The following UBE2O variants were observed in gnomAD, a reference collection of about 807,000 sequenced individuals.
UBE2O encodes the protein ubiquitin conjugating enzyme E2 O.
A neutral mutation model predicts 125.8 loss-of-function variants in UBE2O; 15 were observed. The ratio of observed to expected loss-of-function variants is 0.12; its 90% CI spans 0.08 to 0.18. The LOEUF (loss-of-function observed/expected upper bound fraction) is 0.18, where lower values mean the gene tolerates loss of function less well. Among genes scored for constraint, UBE2O ranks in the 10% least tolerant of loss-of-function variants. The probability of loss-of-function intolerance (pLI) is 1.00; values close to 1 mark genes in which losing one functional copy is unlikely to be tolerated. For synonymous variants in UBE2O, 708 were observed against 703.2 expected, an observed-to-expected ratio of 1.01 and a Z score of -0.11; for missense variants, 1,280 against 1,723.6, an observed-to-expected ratio of 0.74 and a Z score of 4.56.
rs1429304855 is a variant in UBE2O, at chr17:76,402,607, G to A, written c.681C>T (p.Gly227=). 1.4e-5 allele frequency: 23 copies of A among 1,613,788 alleles called. No individual in the cohort carries two copies. The highest frequency in any genetic ancestry group is 1.1e-4 in the East Asian group (5 of 44,896). The change falls in exon 4 of 18, where the codon GGC becomes GGT. Residue 227 remains glycine (G), a synonymous_variant. Transcript: ENST00000319380. This position sits in a 1 kb window ranked among gnomAD's most constrained non-coding sequence, Gnocchi z 5.4. The part of the protein sequence containing the change: ...KNQIILKLSN[G]ARCSMNTEDG... ...CTCTGGTGGTGAGACTCTACCTGGC[G>A]CCGTTGGATAGCTTCAGGATGATCT...
chr17:76,447,758 A>G (rs1299025981), intron 1 of UBE2O, among the ~76,000 whole-genome samples: 1 of 152,186 alleles, frequency 6.6e-6, no homozygotes, highest in Non-Finnish European at 1.5e-5. Flanking sequence ...TGCCCCTGAA[A>G]CAACCACCTT....
At chr17:76,403,193 G>A (rs1598590064) in intron 3 of UBE2O, among the ~76,000 whole-genome samples, 1 of 152,208 alleles carries the variant, frequency 6.6e-6, no homozygotes, top group Non-Finnish European at 1.5e-5. Context: ...GAGCAGGAAG[G>A]AGAAGAAGGA....
At chr17:76,397,982 C>G in intron 12 of UBE2O, 94 bp from the exon 13 acceptor site, 1 of 1,392,760 alleles carries the variant, frequency 7.2e-7, no homozygotes, top group Non-Finnish European at 1.0e-6. Context: ...TCATGCCCAC[C>G]TGGCTTGTGA....
intron 1 of UBE2O, among the ~76,000 whole-genome samples, chr17:76,415,605 G>C (rs1036984481): frequency 4.6e-4 from 70 of 152,338 alleles, no homozygotes; most frequent in African/African-American, 1.6e-3. Context: ...AGGAGTTGCA[G>C]ACCAGCCTGG....
rs1006932905 is a variant in UBE2O at position 76,452,102 on chromosome 17, C to G, written c.417+623G>C. ...TCGCAGCTGTCAGAATCCTCCCCCC[C>G]AAGTACTATTCATACCGGGGCTCTG... On this transcript the variant is annotated intron_variant, in intron 1 of 17. Transcript: ENST00000319380. This position sits in a 1 kb window ranked among gnomAD's most constrained non-coding sequence, Gnocchi z 4.4. 6.6e-6 allele frequency among the ~76,000 whole-genome samples: 1 copy of G among 152,054 alleles called. No homozygotes were observed.
In UBE2O at chr17:76,405,155, G is replaced by T; in HGVS notation, c.588+51C>A. Reference sequence around the variant, plus strand: ...GCTGTAGCCCAGAGGTCGTGCCGCCGAGAGAACCAGAGGGCCCAGAAAGGA... The same window carrying T: ...GCTGTAGCCCAGAGGTCGTGCCGCCTAGAGAACCAGAGGGCCCAGAAAGGA... On this transcript the variant is annotated intron_variant, in intron 3 of 17. Coordinates refer to ENST00000319380, the MANE Select transcript of UBE2O (RefSeq NM_022066.4). The surrounding 1 kb of genome is among the most constrained non-coding windows in gnomAD (Gnocchi z 6.1). 7.1e-7 allele frequency: 1 copy of T among 1,417,892 alleles called. No homozygotes were observed. The highest frequency in any genetic ancestry group is 9.8e-7 in the Non-Finnish European group (1 of 1,024,138). The allele number at this position is 1,417,892 out of a possible 1,614,324, so 87.8% of individuals were successfully genotyped here.
In UBE2O at chr17:76,434,794, T is replaced by TTA. The variant is rs768934042; in HGVS notation, c.417+17930_417+17931insTA. On this transcript the variant is annotated intron_variant, in intron 1 of 17. Coordinates refer to ENST00000319380, the MANE Select transcript of UBE2O (RefSeq NM_022066.4). ...TTAAGCTTTTTTTTTTTTTTTTTTT[T>TTA]AAAAAAACAAACAAAAAAACAACTT... 2.8e-4 allele frequency among the ~76,000 whole-genome samples: 38 copies of TTA among 133,716 alleles called. 1 individual carries two copies. The highest frequency in any genetic ancestry group is 7.5e-4 in the South Asian group (3 of 3,976). The allele number at this position is 133,716 out of a possible 152,430, so 87.7% of individuals were successfully genotyped here.
chr17:76,448,799 T>A (rs1039856211), intron 1 of UBE2O, among the ~76,000 whole-genome samples: 8 of 152,252 alleles, frequency 5.3e-5, no homozygotes, highest in Non-Finnish European at 1.0e-4. Flanking sequence ...CCAGTGCTCA[T>A]GAAGGTTTAA....
rs570554255 is a variant in UBE2O at position 76,405,081 on chromosome 17, C to T, written c.588+125G>A. On this transcript the variant is annotated intron_variant, in intron 3 of 17. Coordinates refer to ENST00000319380, the MANE Select transcript of UBE2O (RefSeq NM_022066.4). The surrounding 1 kb of genome is among the most constrained non-coding windows in gnomAD (Gnocchi z 6.1). ...CTACAGGAGCCAGCTGGCTGCTGTGCTCCGCCTTCTGACCCAGGAAGGCTG... is the reference window on the plus strand; with the variant it reads ...CTACAGGAGCCAGCTGGCTGCTGTGTTCCGCCTTCTGACCCAGGAAGGCTG... 1.3e-5 allele frequency: 9 copies of T among 677,038 alleles called. No individual in the cohort carries two copies. The African/African-American group carries it at 1.4e-4, about 11-fold the overall frequency. 41.9% of individuals were successfully genotyped at this position (677,038 alleles called of 1,614,324 possible).
intron 1 of UBE2O, among the ~76,000 whole-genome samples, chr17:76,442,313 T>G (rs1172298276): frequency 6.6e-6 from 1 of 152,138 alleles, no homozygotes; most frequent in Non-Finnish European, 1.5e-5. Context: ...CATAGTACTC[T>G]CAAAAGAACC....
Position 76,396,704 on chromosome 17 carries a change from T to C in UBE2O, c.2233A>G (p.Asn745Asp). ...EDDSDSWETD[N>D]GLVEDEHPKI... ...GGGTGCTCGTCCTCCACCAGCCCATTGTCCGTCTCCCAGCTGTCACTATCA... is the reference window on the plus strand; with the variant it reads ...GGGTGCTCGTCCTCCACCAGCCCATCGTCCGTCTCCCAGCTGTCACTATCA... Residue 745 changes from asparagine to aspartate, a missense_variant, in exon 14 of 18, where the codon AAT becomes GAT. Physicochemically the swap from Asn to Asp is conservative, Grantham distance 23. Transcript: ENST00000319380. This position sits in a 1 kb window ranked among gnomAD's most constrained non-coding sequence, Gnocchi z 6.7. 1.2e-6 allele frequency: 2 copies of C among 1,614,000 alleles called. No individual in the cohort carries two copies. Among genetic ancestry groups the C allele is most frequent in the Non-Finnish European group, 1.7e-6 (2 of 1,180,022 alleles).
In UBE2O at chr17:76,452,595, G is replaced by A. The variant is rs370773712; in HGVS notation, c.417+130C>T. The A allele has an allele frequency of 3.5e-6, 3 of 849,966 alleles. No homozygotes were observed. The highest frequency in any genetic ancestry group is 4.4e-5 in the Admixed American group (1 of 22,726). The allele number at this position is 849,966 out of a possible 1,614,324, so 52.7% of individuals were successfully genotyped here. Reference sequence around the variant, plus strand: ...TTTGCATGGAGTGTACCCTCCACTGGGGCTGTCCTCCCGCGTCGGCCACTG... The same window carrying A: ...TTTGCATGGAGTGTACCCTCCACTGAGGCTGTCCTCCCGCGTCGGCCACTG... On this transcript the variant is annotated intron_variant, in intron 1 of 17. Coordinates refer to ENST00000319380, the MANE Select transcript of UBE2O (RefSeq NM_022066.4). This position sits in a 1 kb window ranked among gnomAD's most constrained non-coding sequence, Gnocchi z 4.4.
chr17:76,399,125 G>C lies in UBE2O; in HGVS notation c.1629-134C>G, dbSNP rs1394646815. The stretch of plus-strand genomic sequence containing the variant: ...TCTGAATCCCAGGTTGGCAGGATGA[G>C]TCTCTGGTGCACAGGAAGCTCACCC... On this transcript the variant is annotated intron_variant, in intron 9 of 17. Transcript: ENST00000319380. This position sits in a 1 kb window ranked among gnomAD's most constrained non-coding sequence, Gnocchi z 6.9. The C allele has an allele frequency of 8.3e-7, 1 of 1,210,722 alleles. No individual in the cohort carries two copies. Among genetic ancestry groups the C allele is most frequent in the Non-Finnish European group, 1.1e-6 (1 of 882,576 alleles). The allele number at this position is 1,210,722 out of a possible 1,614,324, so 75.0% of individuals were successfully genotyped here.
At chr17:76,431,094 GA>G in intron 1 of UBE2O, 1 of 180,896 alleles carries the variant, frequency 5.5e-6, no homozygotes, top group South Asian at 1.1e-4. Flanking sequence ...GGCACAACAG[GA>G]AGCTGCTGCT....
Position 76,391,450 on chromosome 17 carries a change from C to T in UBE2O, c.3372G>A (p.Glu1124=), listed in dbSNP as rs2072112605. ...TGCTAAAGTGTTGCCTGATCTCCTGCTCAAAGACCTCGGGGGGCCGCCGCA... is the reference window on the plus strand; with the variant it reads ...TGCTAAAGTGTTGCCTGATCTCCTGTTCAAAGACCTCGGGGGGCCGCCGCA... The part of the protein sequence containing the change: ...QLVRRPPEVF[E]QEIRQHFSTG... The change falls in exon 18 of 18, where the codon GAG becomes GAA. Residue 1124 remains glutamate, a synonymous_variant. Transcript: ENST00000319380. The surrounding 1 kb of genome is among the most constrained non-coding windows in gnomAD (Gnocchi z 8.4). 1 of 1,613,814 alleles carries T rather than the reference C, an allele frequency of 6.2e-7. No homozygotes were observed. Among genetic ancestry groups the T allele is most frequent in the Non-Finnish European group, 8.5e-7 (1 of 1,180,028 alleles).
In UBE2O at chr17:76,398,627, G is replaced by A. The variant is rs771417127; in HGVS notation, c.1784-43C>T. The A allele has an allele frequency of 3.7e-5, 59 of 1,589,526 alleles. No homozygotes were observed. Among genetic ancestry groups the A allele is most frequent in the South Asian group, 3.2e-4 (29 of 90,198 alleles). On this transcript the variant is annotated intron_variant, in intron 10 of 17. Transcript: ENST00000319380. This position sits in a 1 kb window ranked among gnomAD's most constrained non-coding sequence, Gnocchi z 5.4. Reference sequence around the variant, plus strand: ...GGGAAGTGACTAGCTAAGGGATCCCGGCTAAGGAGCCCACATCTCAAGCCA... The same window carrying A: ...GGGAAGTGACTAGCTAAGGGATCCCAGCTAAGGAGCCCACATCTCAAGCCA...
At chr17:76,427,249 T>C (rs1358098393) in intron 1 of UBE2O, among the ~76,000 whole-genome samples, 3 of 152,238 alleles carry the variant, frequency 2.0e-5, no homozygotes, top group African/African-American at 7.2e-5. Context: ...CCAGTTCCCA[T>C]AGTTCTCTCT....
chr17:76,397,462 C>T (rs1167198715), intron 13 of UBE2O, among the ~76,000 whole-genome samples: 1 of 152,216 alleles, frequency 6.6e-6, no homozygotes, highest in Non-Finnish European at 1.5e-5. Flanking sequence ...TTAGAGCTTT[C>T]TAAAAAGGGT....
At chr17:76,408,165 C>T (rs1172862675) in intron 1 of UBE2O, among the ~76,000 whole-genome samples, 2 of 152,196 alleles carry the variant, frequency 1.3e-5, no homozygotes, top group Admixed American at 6.5e-5. Context: ...TCCAAATGTC[C>T]TCCTCTCCCT....
Sources: gnomAD v4.1 joint callset for allele counts (sites outside exome capture counted in the v4.1 genomes callset) on GRCh38, gnomAD v4.1.1 for gene constraint, Gnocchi (gnomAD v3.1) non-coding constraint, MANE v1.5 for transcripts, NCBI Gene and HGNC (gene_info 2026-07-23, HGNC 2026-07-21) for gene names.